The following DOCK1 variants were observed in gnomAD, a reference collection of about 807,000 sequenced individuals.
DOCK1 encodes dedicator of cytokinesis 1.
DOCK1 carries 138 observed loss-of-function variants against 262.7 expected under a neutral mutation model. The observed-to-expected ratio is 0.53, with a 90% CI of 0.46 to 0.61. The LOEUF is 0.61. Ranked by LOEUF, DOCK1 falls within the 20% of genes least tolerant of loss-of-function variation. The pLI, the probability that DOCK1 is intolerant of heterozygous loss-of-function variation, is 0.00. For missense variants in DOCK1, 1,908 were observed against 2,370.7 expected, an observed-to-expected ratio of 0.80 and a Z score of 4.05; for synonymous variants, 866 against 867.4, an observed-to-expected ratio of 1.00 and a Z score of 0.03.
At chr10:127,104,431 G>A (rs962662179) in intron 23 of DOCK1, among the ~76,000 whole-genome samples, 2 of 152,176 alleles carry the variant, frequency 1.3e-5, no homozygotes, top group Admixed American at 6.5e-5. Flanking sequence ...TTAAAGTTGA[G>A]TTTTGTACAG....
intron 27 of DOCK1, among the ~76,000 whole-genome samples, chr10:127,178,152 A>G (rs2055357447): frequency 6.6e-6 from 1 of 152,212 alleles, no homozygotes; most frequent in Non-Finnish European, 1.5e-5. Flanking sequence ...GCCCTCTATT[A>G]AAATGACCTC....
At chr10:126,996,243 G>T (rs150032994) in intron 6 of DOCK1, among the ~76,000 whole-genome samples, 6,502 of 151,760 alleles carry the variant, frequency 0.043, 186 homozygotes, top group Middle Eastern at 0.099. Context: ...AGCCGGGTGT[G>T]GTGGCACACA....
chr10:127,101,903 C>G (rs550450878), intron 23 of DOCK1, among the ~76,000 whole-genome samples: 126 of 152,294 alleles, frequency 8.3e-4, no homozygotes, highest in African/African-American at 2.7e-3. Flanking sequence ...CCTGTGTGAA[C>G]GCTGGCTATT....
At chr10:126,950,059 T>G (rs1211039868) in intron 1 of DOCK1, among the ~76,000 whole-genome samples, 13 of 151,890 alleles carry the variant, frequency 8.6e-5, no homozygotes, top group African/African-American at 1.2e-4. Context: ...AAGCCTCATT[T>G]TTTTTTTCCA....
intron 27 of DOCK1, 52 bp downstream of exon 27, chr10:127,127,816 C>A: frequency 6.8e-7 from 1 of 1,471,478 alleles, no homozygotes; most frequent in South Asian, 1.2e-5. Flanking sequence ...TGACAGCATC[C>A]TTCTCCAACT....
chr10:127,311,428 C>T (rs2062059065), intron 29 of DOCK1, among the ~76,000 whole-genome samples: 1 of 152,200 alleles, frequency 6.6e-6, no homozygotes, highest in South Asian at 2.1e-4. Flanking sequence ...TAGGGCATCC[C>T]TATTCCAAAC....
intron 1 of DOCK1, among the ~76,000 whole-genome samples, chr10:126,961,076 A>G (rs1247486271): frequency 2.0e-5 from 3 of 152,122 alleles, no homozygotes; most frequent in Non-Finnish European, 4.4e-5. Context: ...GCCAAAAAGA[A>G]ATATTGAATA....
rs1564944981 is a variant in DOCK1 at position 127,261,281 on chromosome 10, ATGTGTGTGCATGTGGG to A, written c.3044+3861_3044+3876del. ...CATGTGGGTGTGTGTGTGTGCCTGC[ATGTGTGTGCATGTGGG>A]TGTGTGTGTGTGTGCCTGCATGTGT... On this transcript the variant is annotated intron_variant, in intron 29 of 51. Transcript: ENST00000623213. 5.5e-4 allele frequency among the ~76,000 whole-genome samples: 27 copies of A among 49,166 alleles called. 2 individuals carry two copies. The highest frequency in any genetic ancestry group is 9.2e-4 in the Non-Finnish European group (24 of 26,178). The allele number at this position is 49,166 out of a possible 152,430, so 32.3% of individuals were successfully genotyped here.
chr10:127,357,315 G>A (rs2064194522), intron 32 of DOCK1, among the ~76,000 whole-genome samples: 1 of 152,194 alleles, frequency 6.6e-6, no homozygotes, highest in African/African-American at 2.4e-5. Context: ...GATCACCACT[G>A]AAAGTGGCTC....
rs1197820744 is a variant in DOCK1 at position 126,976,070 on chromosome 10, G to T, written c.131-1878G>T. On this transcript the variant is annotated intron_variant, in intron 2 of 51. Coordinates refer to ENST00000623213, the MANE Select transcript of DOCK1 (RefSeq NM_001290223.2). ...GACTATAATAGGATAAAGGACAGTT[G>T]TTGAAACTGAGTACACAGCTTTGCA... 2.0e-5 allele frequency among the ~76,000 whole-genome samples: 3 copies of T among 152,208 alleles called. No homozygotes were observed. In the East Asian group the frequency reaches 5.8e-4, roughly 29 times the overall value.
At chr10:127,163,395 C>T (rs971342528) in intron 27 of DOCK1, among the ~76,000 whole-genome samples, 9 of 152,112 alleles carry the variant, frequency 5.9e-5, no homozygotes, top group Non-Finnish European at 8.8e-5. Context: ...CCCTGTCTCC[C>T]TCCACGAGAA....
At chr10:126,941,759 C>T (rs2035025504) in intron 1 of DOCK1, among the ~76,000 whole-genome samples, 1 of 130,500 alleles carries the variant, frequency 7.7e-6, no homozygotes, top group Non-Finnish European at 1.7e-5. Context: ...CATCTCAAAA[C>T]AGACAAAACA....
At chr10:127,364,818 C>T (rs1317474338) in intron 33 of DOCK1, among the ~76,000 whole-genome samples, 1 of 151,888 alleles carries the variant, frequency 6.6e-6, no homozygotes, top group Non-Finnish European at 1.5e-5. Flanking sequence ...CTTCCTCCCT[C>T]CCTCCCTTTC....
chr10:127,328,788 G>C (rs772173196), intron 29 of DOCK1, among the ~76,000 whole-genome samples: 8 of 152,014 alleles, frequency 5.3e-5, no homozygotes, highest in Non-Finnish European at 1.0e-4. Flanking sequence ...TCTTATTCCC[G>C]GGTTGTTTTG....
At position 127,175,616 on chromosome 10, in the gene DOCK1, G is replaced by T. The variant is rs776635279; in HGVS notation, c.2847+47852G>T. The T allele has an allele frequency of 6.8e-6, 11 of 1,613,044 alleles. No individual in the cohort carries two copies. In the Admixed American group the frequency reaches 1.3e-4, roughly 20 times the overall value. On this transcript the variant is annotated intron_variant, in intron 27 of 51. Transcript: ENST00000623213. This position sits in a 1 kb window ranked among gnomAD's most constrained non-coding sequence, Gnocchi z 6.3. ...CAGGCTCGGGGGCCCTGGCACTGAG[G>T]GCAGGTGCGTAAACGGTGGCAACCT... is the stretch of plus-strand genomic sequence containing the variant.
rs760030038 is a variant in DOCK1 at position 127,363,468 on chromosome 10, C to CTAAA, written c.3432+1275_3432+1278dup. On this transcript the variant is annotated intron_variant, in intron 33 of 51. Transcript: ENST00000623213. ...TAGGTGACAGAGCCAGACCCTGTCT[C>CTAAA]TAAATAAATAAATAAATAAATATTA... Among the ~76,000 whole-genome samples the CTAAA allele has an allele frequency of 1.4e-3, 218 of 151,874 alleles. 1 individual carries two copies. Among genetic ancestry groups the CTAAA allele is most frequent in the Middle Eastern group, 3.4e-3 (1 of 294 alleles).
At chr10:127,090,228 T>C (rs1032590759) in intron 23 of DOCK1, among the ~76,000 whole-genome samples, 1 of 152,116 alleles carries the variant, frequency 6.6e-6, no homozygotes, top group African/African-American at 2.4e-5. Context: ...TGTTCCTGGG[T>C]ACCAGGCAGT....
chr10:126,987,125 A>G lies in DOCK1; in HGVS notation c.228-396A>G, dbSNP rs370359755. 3.3e-4 allele frequency among the ~76,000 whole-genome samples: 50 copies of G among 152,276 alleles called. 1 individual carries two copies. Among genetic ancestry groups the G allele is most frequent in the African/African-American group, 1.2e-3 (48 of 41,564 alleles). Reference sequence around the variant, plus strand: ...GAAAATGTAAAAGTAATCTTAACCCAAACCTGCATTTTAATGCCACATGGA... The same window carrying G: ...GAAAATGTAAAAGTAATCTTAACCCGAACCTGCATTTTAATGCCACATGGA... On this transcript the variant is annotated intron_variant, in intron 4 of 51. Transcript: ENST00000623213.
intron 27 of DOCK1, among the ~76,000 whole-genome samples, chr10:127,216,470 T>G (rs578043166): frequency 6.6e-6 from 1 of 152,312 alleles, no homozygotes; most frequent in East Asian, 1.9e-4. Context: ...TGGAATTCTT[T>G]CTGAGCTAGC....
Sources: gnomAD v4.1 joint callset for allele counts (sites outside exome capture counted in the v4.1 genomes callset) on GRCh38, gnomAD v4.1.1 for gene constraint, Gnocchi (gnomAD v3.1) non-coding constraint, MANE v1.5 for transcripts, NCBI Gene and HGNC (gene_info 2026-07-23, HGNC 2026-07-21) for gene names.